PKN2: variants seen among roughly 807,000 people sequenced by gnomAD.
PKN2 encodes serine/threonine-protein kinase N2.
Under a neutral mutation model 119.1 loss-of-function variants are expected in PKN2, and 38 were observed. That is an observed-to-expected ratio of 0.32 (90% CI 0.25 to 0.42). The LOEUF (loss-of-function observed/expected upper bound fraction) is 0.42, where lower values mean the gene tolerates loss of function less well. PKN2 is among the 10% of genes least tolerant of loss of function. The probability of loss-of-function intolerance (pLI) is 1.00; values close to 1 mark genes in which losing one functional copy is unlikely to be tolerated. For missense variants in PKN2, 850 were observed against 1,165.1 expected (o/e 0.73, Z 3.94); for synonymous variants, 390 against 384.9 (o/e 1.01, Z -0.15).
chr1:88,727,410 G>C (rs1174856417), intron 1 of PKN2, among the ~76,000 whole-genome samples: 1 of 152,084 alleles, frequency 6.6e-6, no homozygotes, highest in Non-Finnish European at 1.5e-5. Flanking sequence ...AGCTCAAGCA[G>C]TCCTTCCACC....
intron 1 of PKN2, among the ~76,000 whole-genome samples, chr1:88,736,381 A>T (rs1001708746): frequency 2.4e-4 from 37 of 151,152 alleles, no homozygotes; most frequent in African/African-American, 8.5e-4. Context: ...TTTTTTTGAG[A>T]CAGAGTCTCA....
At chr1:88,782,365 G>A (rs1297059765) in intron 6 of PKN2, among the ~76,000 whole-genome samples, 1 of 151,754 alleles carries the variant, frequency 6.6e-6, no homozygotes, top group Non-Finnish European at 1.5e-5. Context: ...TTCATCAAAT[G>A]TGGAGAATTC....
At chr1:88,800,725 AT>A (rs1436555397) in intron 8 of PKN2, among the ~76,000 whole-genome samples, 4 of 152,172 alleles carry the variant, frequency 2.6e-5, no homozygotes, top group African/African-American at 9.7e-5. Flanking sequence ...TCTTTTTTCA[AT>A]TGCAATACAT....
chr1:88,686,316 A>G (rs899978382), intron 1 of PKN2, among the ~76,000 whole-genome samples: 1 of 152,130 alleles, frequency 6.6e-6, no homozygotes, highest in Non-Finnish European at 1.5e-5. Context: ...TGGTACTTGT[A>G]TGTTATAGAA....
chr1:88,713,241 G>A (rs1667312146), intron 1 of PKN2, among the ~76,000 whole-genome samples: 1 of 152,142 alleles, frequency 6.6e-6, no homozygotes, highest in Admixed American at 6.6e-5. Context: ...ACATACATGT[G>A]CATATGTCTT....
At chr1:88,710,475 A>G (rs1214722040) in intron 1 of PKN2, among the ~76,000 whole-genome samples, 1 of 152,224 alleles carries the variant, frequency 6.6e-6, no homozygotes, top group African/African-American at 2.4e-5. Flanking sequence ...GAACTTAACC[A>G]CTATTTTAGA....
At chr1:88,788,003 A>C (rs1321566316) in intron 8 of PKN2, among the ~76,000 whole-genome samples, 1 of 152,238 alleles carries the variant, frequency 6.6e-6, no homozygotes, top group African/African-American at 2.4e-5. Flanking sequence ...AAACATTTCA[A>C]GCGGCCTTAG....
intron 6 of PKN2, among the ~76,000 whole-genome samples, chr1:88,781,681 G>T (rs1282707197): frequency 6.6e-6 from 1 of 152,026 alleles, no homozygotes; most frequent in Non-Finnish European, 1.5e-5. Flanking sequence ...ATGAAAGCAG[G>T]TGTTGAGCAT....
At chr1:88,770,829 C>T (rs1485952426) in intron 4 of PKN2, among the ~76,000 whole-genome samples, 1 of 151,130 alleles carries the variant, frequency 6.6e-6, no homozygotes, top group African/African-American at 2.4e-5. Flanking sequence ...TCGTGATCCG[C>T]CCGCCTCGGC....
intron 1 of PKN2, among the ~76,000 whole-genome samples, chr1:88,721,946 A>G (rs1032951899): frequency 1.2e-4 from 19 of 152,176 alleles, no homozygotes; most frequent in African/African-American, 4.6e-4. Context: ...ATACAAATCT[A>G]CATTTGTAAT....
In PKN2 at chr1:88,784,940, TA is replaced by T. The variant is rs545564069; in HGVS notation, c.1171+122del. The T allele has an allele frequency of 8.5e-3, 4,227 of 498,686 alleles. 27 individuals are homozygous for T. Among genetic ancestry groups the T allele is most frequent in the Non-Finnish European group, 0.012 (3,640 of 302,228 alleles). The allele number at this position is 498,686 out of a possible 1,614,324, so 30.9% of individuals were successfully genotyped here. On this transcript the variant is annotated intron_variant, in intron 7 of 21. Transcript: ENST00000370521. ...AAAATTATGGTTTTTATAATTTAAT[TA>T]AAAAATATTAAAACCTGTGATGTCA...
At chr1:88,767,737 A>G (rs1429710189) in intron 3 of PKN2, among the ~76,000 whole-genome samples, 1 of 152,248 alleles carries the variant, frequency 6.6e-6, no homozygotes, top group Non-Finnish European at 1.5e-5. Context: ...CAAAAGAAAT[A>G]AAAGAAAAAT....
At chr1:88,755,055 A>G (rs909385030) in intron 2 of PKN2, among the ~76,000 whole-genome samples, 3 of 152,150 alleles carry the variant, frequency 2.0e-5, no homozygotes, top group Non-Finnish European at 4.4e-5. Flanking sequence ...CAAAGTATGT[A>G]TTTAAGAGTA....
intron 6 of PKN2, 122 bp downstream of exon 6, chr1:88,772,001 A>C (rs1669914965): frequency 1.5e-6 from 1 of 659,254 alleles, no homozygotes; most frequent in Non-Finnish European, 2.6e-6. Flanking sequence ...CACATAGAAT[A>C]AAATTTGTTG....
At chr1:88,689,794 G>GC (rs1198635267) in intron 1 of PKN2, among the ~76,000 whole-genome samples, 1 of 152,006 alleles carries the variant, frequency 6.6e-6, no homozygotes. Context: ...CTTGGTGACA[G>GC]AGTGAGAACC....
At chr1:88,714,525 T>G (rs1345969949) in intron 1 of PKN2, among the ~76,000 whole-genome samples, 1 of 152,162 alleles carries the variant, frequency 6.6e-6, no homozygotes, top group Non-Finnish European at 1.5e-5. Context: ...TTCCTAGGTA[T>G]TTTATTCTCT....
intron 1 of PKN2, among the ~76,000 whole-genome samples, chr1:88,685,670 A>G (rs998598757): frequency 3.3e-5 from 5 of 152,160 alleles, no homozygotes; most frequent in Non-Finnish European, 5.9e-5. Flanking sequence ...ATTTTAATAT[A>G]GTTATCTTTT....
In PKN2 at chr1:88,771,546, G is replaced by T; in HGVS notation, c.748G>T (p.Asp250Tyr). 1 of 1,597,532 alleles carries T rather than the reference G, an allele frequency of 6.3e-7. No individual in the cohort carries two copies. Among genetic ancestry groups the T allele is most frequent in the South Asian group, 1.2e-5 (1 of 85,994 alleles). ...MKLLGSGKVT[D>Y]RKALSEAQAR... ...ATTACTTGGCTCAGGAAAAGTAACAGACAGAAAAGCACTTTCAGAAGTAAT... is the reference window on the plus strand; with the variant it reads ...ATTACTTGGCTCAGGAAAAGTAACATACAGAAAAGCACTTTCAGAAGTAAT... Residue 250 changes from aspartate (D) to tyrosine (Y), a missense_variant, in exon 5 of 22, where the codon GAC (aspartate) becomes TAC (tyrosine). Physicochemically the swap from Asp to Tyr is radical, Grantham distance 160. Coordinates refer to ENST00000370521, the MANE Select transcript of PKN2 (RefSeq NM_006256.4).
At chr1:88,759,132 AG>A (rs1344855171) in intron 2 of PKN2, among the ~76,000 whole-genome samples, 1 of 152,246 alleles carries the variant, frequency 6.6e-6, no homozygotes, top group Non-Finnish European at 1.5e-5. Context: ...TGGGAGGCCA[AG>A]GCGGGCAGAT....
Sources: allele counts gnomAD v4.1 joint callset (sites outside exome capture counted in the v4.1 genomes callset), GRCh38; gene constraint gnomAD v4.1.1; transcripts MANE v1.5; gene names NCBI Gene and HGNC (gene_info 2026-07-23, HGNC 2026-07-21).